The following OTOG variants were observed in gnomAD, a reference collection of about 807,000 sequenced individuals.
The protein encoded by OTOG is otogelin.
OTOG carries 296 observed loss-of-function variants against 313.8 expected under a neutral mutation model. That is an observed-to-expected ratio of 0.94 (90% CI 0.86 to 1.04). The LOEUF is 1.04. OTOG is among the 50% of genes least tolerant of loss of function. OTOG has a pLI of 0.00. For synonymous variants in OTOG, 1,533 were observed against 1,554.9 expected, an observed-to-expected ratio of 0.99 and a Z score of 0.33; for missense variants, 3,948 against 3,840.1, an observed-to-expected ratio of 1.03 and a Z score of -0.74.
chr11:17,623,430 G>A (rs1000701514), intron 39 of OTOG, among the ~76,000 whole-genome samples: 4 of 152,162 alleles, frequency 2.6e-5, no homozygotes, highest in African/African-American at 9.7e-5. Flanking sequence ...AGTTTGCTAA[G>A]GATAATGGCC....
In OTOG at chr11:17,569,249, C is replaced by A. The variant is rs1481736041; in HGVS notation, c.1738C>A (p.Leu580Met). The A allele has an allele frequency of 6.4e-7, 1 of 1,550,588 alleles. No individual in the cohort carries two copies. The highest frequency in any genetic ancestry group is 8.7e-7 in the Non-Finnish European group (1 of 1,146,996). The change falls in exon 16 of 56, where the codon CTG (leucine) becomes ATG (methionine). Residue 580 changes from leucine to methionine, a missense_variant. By Grantham distance (15) the Leu-to-Met change is conservative. Transcript: ENST00000399397. ...CCTGACCCAGGCAGGGGATGTCCTTCTGTTTGACCAGTACAAGATCATCCC... is the reference window on the plus strand; with the variant it reads ...CCTGACCCAGGCAGGGGATGTCCTTATGTTTGACCAGTACAAGATCATCCC... ...VTLTQAGDVL[L>M]FDQYKIIPPY...
intron 42 of OTOG, among the ~76,000 whole-genome samples, chr11:17,632,589 C>T (rs746314460): frequency 2.6e-5 from 4 of 152,110 alleles, no homozygotes; most frequent in East Asian, 1.9e-4. Context: ...GAATGTGTTC[C>T]GAGTGCTCAC....
rs148955620 is a variant in OTOG at position 17,561,434 on chromosome 11, C to T, written c.1499-228C>T. Among the ~76,000 whole-genome samples the T allele has an allele frequency of 1.4e-4, 21 of 152,324 alleles. No individual in the cohort carries two copies. The East Asian group carries it at 3.5e-3, about 25-fold the overall frequency. ...GGTCCTCAAGGCTAGGCCCTGGTCTCCCCTCCAAGGGAGATCCCCAGGGCA... is the reference window on the plus strand; with the variant it reads ...GGTCCTCAAGGCTAGGCCCTGGTCTTCCCTCCAAGGGAGATCCCCAGGGCA... On this transcript the variant is annotated intron_variant, in intron 14 of 55. Transcript: ENST00000399397.
chr11:17,588,894 C>T (rs774643303), intron 24 of OTOG, among the ~76,000 whole-genome samples: 3 of 152,056 alleles, frequency 2.0e-5, no homozygotes, highest in Non-Finnish European at 4.4e-5. Flanking sequence ...CCTCTCATAC[C>T]CTGACTCCCT....
chr11:17,563,688 C>CCT (rs1852238148), intron 15 of OTOG, among the ~76,000 whole-genome samples: 1 of 149,906 alleles, frequency 6.7e-6, no homozygotes, highest in African/African-American at 2.5e-5. Context: ...GAATCCCCCC[C>CCT]TTTTTTTTTG....
Position 17,639,406 on chromosome 11 carries a change from C to T in OTOG, c.7895-17C>T. 6.4e-7 allele frequency: 1 copy of T among 1,550,618 alleles called. No homozygotes were observed. Among genetic ancestry groups the T allele is most frequent in the Non-Finnish European group, 8.7e-7 (1 of 1,146,972 alleles). The stretch of plus-strand genomic sequence containing the variant: ...ACATCCCTGATGAAGTGGGGCCTGG[C>T]CCCTTGTGTTTTTCAGAATGTGACT... On this transcript the variant is annotated splice_polypyrimidine_tract_variant and intron_variant, in intron 48 of 55. Coordinates refer to ENST00000399397, the MANE Select transcript of OTOG (RefSeq NM_001292063.2).
Position 17,573,228 on chromosome 11 carries a change from A to G in OTOG, c.2231A>G (p.Tyr744Cys). ...QPCLCATLAH[Y>C]AHLCRRHGLP... ...TGCCTGTGCGCCACACTGGCCCACT[A>G]CGCCCACCTGTGCCGGCGCCATGGG... Residue 744 changes from tyrosine to cysteine, a missense_variant, in exon 19 of 56, where the codon TAC becomes TGC. By Grantham distance (194) the Tyr-to-Cys change is radical. Transcript: ENST00000399397. The G allele has an allele frequency of 6.5e-7, 1 of 1,535,704 alleles. No homozygotes were observed. The highest frequency in any genetic ancestry group is 8.7e-7 in the Non-Finnish European group (1 of 1,145,890).
Position 17,553,114 on chromosome 11 carries a change from T to C in OTOG, c.293-5T>C. 2 of 1,550,484 alleles carry C rather than the reference T, an allele frequency of 1.3e-6. No homozygotes were observed. The highest frequency in any genetic ancestry group is 1.7e-6 in the Non-Finnish European group (2 of 1,146,954). On this transcript the variant is annotated splice_polypyrimidine_tract_variant and splice_region_variant and intron_variant, in intron 4 of 55. Coordinates refer to ENST00000399397, the MANE Select transcript of OTOG (RefSeq NM_001292063.2). ...TGGGGCAATGACTCTGTGTCTCCCA[T>C]GCAGACTTGTTCTCCTGCTTCAATG...
At chr11:17,547,608 T>C (rs1231553552) in intron 1 of OTOG, 142 bp downstream of exon 1, 2 of 1,261,564 alleles carry the variant, frequency 1.6e-6, no homozygotes, top group African/African-American at 3.1e-5. Flanking sequence ...GGAGGAGCAG[T>C]CAGGGGAGGA....
At chr11:17,580,716 G>A (rs1406676161) in intron 23 of OTOG, among the ~76,000 whole-genome samples, 1 of 152,190 alleles carries the variant, frequency 6.6e-6, no homozygotes, top group African/African-American at 2.4e-5. Flanking sequence ...ATGCAATTAT[G>A]GGGGAGAGAG....
At position 17,605,964 on chromosome 11, in the gene OTOG, C is replaced by T. The variant is rs867029996; in HGVS notation, c.3985C>T (p.Gln1329Ter). The T allele has an allele frequency of 6.4e-7, 1 of 1,550,628 alleles. No homozygotes were observed. Among genetic ancestry groups the T allele is most frequent in the East Asian group, 2.4e-5 (1 of 40,920 alleles). The stretch of plus-strand genomic sequence containing the variant: ...TAAGTGGCAGGGCCGTGACACCTTC[C>T]AACAGCATGCCTCCTTCTTGCTGCA... ...LAKWQGRDTF[Q>*]QHASFLLHRG... The change falls in exon 33 of 56, where the codon CAA becomes TAA. Residue 1329 changes from glutamine to a stop codon, truncating the protein, a stop_gained. Transcript: ENST00000399397. LOFTEE classifies it high-confidence loss of function.
chr11:17,642,111 C>T lies in OTOG; in HGVS notation c.8296-16C>T. The T allele has an allele frequency of 1.3e-6, 2 of 1,535,894 alleles. No individual in the cohort carries two copies. Among genetic ancestry groups the T allele is most frequent in the East Asian group, 2.5e-5 (1 of 40,750 alleles). ...ATCTGGCCACAGCTCCCATTACCTACTTCTGTGCCCTCCAGCCCGGGGCAT... is the reference window on the plus strand; with the variant it reads ...ATCTGGCCACAGCTCCCATTACCTATTTCTGTGCCCTCCAGCCCGGGGCAT... On this transcript the variant is annotated splice_polypyrimidine_tract_variant and intron_variant, in intron 52 of 55. Transcript: ENST00000399397.
In OTOG at chr11:17,573,392, C is replaced by T. The variant is rs1159752086; in HGVS notation, c.2293+102C>T. The T allele has an allele frequency of 2.2e-5, 28 of 1,259,130 alleles. No homozygotes were observed. In the East Asian group the frequency reaches 6.4e-4, roughly 29 times the overall value. 78.0% of individuals were successfully genotyped at this position (1,259,130 alleles called of 1,614,324 possible). On this transcript the variant is annotated intron_variant, in intron 19 of 55. Coordinates refer to ENST00000399397, the MANE Select transcript of OTOG (RefSeq NM_001292063.2). ...CTCCACTGGGATGCCCTCCAGTCTC[C>T]TCCAGCCTGACTGCACCCAGAGCCT...
intron 53 of OTOG, 117 bp downstream of exon 53, chr11:17,642,363 C>T (rs1394215269): frequency 7.6e-7 from 1 of 1,315,384 alleles, no homozygotes; most frequent in African/African-American, 1.5e-5. Flanking sequence ...GGAGCCTGTG[C>T]CTGCACTGCC....
At chr11:17,598,005 G>A (rs1008722719) in intron 30 of OTOG, among the ~76,000 whole-genome samples, 15 of 152,216 alleles carry the variant, frequency 9.9e-5, no homozygotes, top group Non-Finnish European at 1.9e-4. Context: ...CTAATGTGGG[G>A]GTTGTTGTCA....
In OTOG at chr11:17,611,341, C is replaced by T. The variant is rs1251623134; in HGVS notation, c.6041C>T (p.Ser2014Leu). Reference sequence around the variant, plus strand: ...GCCACCACAGAACCATCTGGGCGCTCAGCCCCAGCCCTGAGCATCGTAGAG... The same window carrying T: ...GCCACCACAGAACCATCTGGGCGCTTAGCCCCAGCCCTGAGCATCGTAGAG... ...DEATTEPSGR[S>L]APALSIVEGL... Residue 2014 changes from serine to leucine, a missense_variant, in exon 36 of 56, where the codon TCA becomes TTA. Transcript: ENST00000399397. 1.3e-6 allele frequency: 2 copies of T among 1,550,286 alleles called. No individual in the cohort carries two copies. Among genetic ancestry groups the T allele is most frequent in the African/African-American group, 1.4e-5 (1 of 73,190 alleles).
chr11:17,589,134 C>G (rs1852872981), intron 24 of OTOG, among the ~76,000 whole-genome samples: 1 of 152,138 alleles, frequency 6.6e-6, no homozygotes, highest in Non-Finnish European at 1.5e-5. Context: ...GTACCTGCAC[C>G]CATGCAGCTG....
intron 9 of OTOG, 39 bp from the exon 10 acceptor site, chr11:17,558,499 T>C: frequency 6.5e-7 from 1 of 1,546,992 alleles, no homozygotes; most frequent in Non-Finnish European, 8.7e-7. Context: ...TGTGTGGCTT[T>C]GCCAGCCCCT....
intron 42 of OTOG, 43 bp from the exon 43 acceptor site, chr11:17,633,636 GC>G (rs1854186510): frequency 1.4e-6 from 2 of 1,472,020 alleles, no homozygotes; most frequent in Non-Finnish European, 1.8e-6. Flanking sequence ...GGGGAGCCCT[GC>G]CTGGGGTCTG....
Sources: allele counts gnomAD v4.1 joint callset (sites outside exome capture counted in the v4.1 genomes callset), GRCh38; gene constraint gnomAD v4.1.1; transcripts MANE v1.5; gene names NCBI Gene and HGNC (gene_info 2026-07-23, HGNC 2026-07-21).